PRIM2: variants seen among roughly 807,000 people sequenced by gnomAD.
PRIM2 encodes the protein DNA primase large subunit.
Under a neutral mutation model 67.3 loss-of-function variants are expected in PRIM2, and 39 were observed. The ratio of observed to expected loss-of-function variants is 0.58; its 90% CI spans 0.45 to 0.76. The LOEUF is 0.76. Ranked by LOEUF, PRIM2 falls within the 30% of genes least tolerant of loss-of-function variation. PRIM2 has a pLI of 0.00. For missense variants in PRIM2, 398 were observed against 598.7 expected (o/e 0.66, Z 3.50); for synonymous variants, 143 against 198.7 (o/e 0.72, Z 2.36).
intron 10 of PRIM2, among the ~76,000 whole-genome samples, chr6:57,542,606 A>G (rs1469415820): frequency 6.6e-6 from 1 of 152,106 alleles, no homozygotes; most frequent in East Asian, 1.9e-4. Flanking sequence ...AAGAAAATAA[A>G]TAATTTTTTA....
chr6:57,560,563 G>A (rs1372078962), intron 10 of PRIM2, among the ~76,000 whole-genome samples: 1 of 151,216 alleles, frequency 6.6e-6, no homozygotes. Flanking sequence ...CACAATCTAT[G>A]GCAATGATAT....
At chr6:57,568,387 C>T (rs1775790596) in intron 10 of PRIM2, among the ~76,000 whole-genome samples, 1 of 152,120 alleles carries the variant, frequency 6.6e-6, no homozygotes, top group Non-Finnish European at 1.5e-5. Context: ...GTCACTTAAT[C>T]TGAGGTAGGA....
chr6:57,545,085 G>T (rs1335484202), intron 10 of PRIM2, among the ~76,000 whole-genome samples: 2 of 152,058 alleles, frequency 1.3e-5, no homozygotes, highest in Admixed American at 1.3e-4. Context: ...AAGAGCAGTA[G>T]ATCTCAGCAT....
the PRIM2 span, among the ~76,000 whole-genome samples, chr6:57,256,022 CAT>C: frequency 5.7e-5 from 6 of 105,580 alleles, no homozygotes; most frequent in South Asian, 7.3e-4. Flanking sequence ...CACACACACA[CAT>C]ACACACACAC....
chr6:57,307,997 G>A, the PRIM2 span, among the ~76,000 whole-genome samples: 4,173 of 152,160 alleles, frequency 0.027, 62 homozygotes, highest in Middle Eastern at 0.044. Context: ...TGCTTTTTTA[G>A]TTAACATTAT....
At chr6:57,480,437 C>T (rs1167573553) in intron 7 of PRIM2, among the ~76,000 whole-genome samples, 10 of 152,066 alleles carry the variant, frequency 6.6e-5, no homozygotes, top group Admixed American at 3.3e-4. Flanking sequence ...AATGTTAGTA[C>T]ACAGAGCTAT....
intron 10 of PRIM2, among the ~76,000 whole-genome samples, chr6:57,539,654 GTGTATA>G (rs1334838988): frequency 0.088 from 4,886 of 55,696 alleles, 91 homozygotes; most frequent in African/African-American, 0.14. Context: ...GTGTGTGTGT[GTGTATA>G]TATATATATA....
intron 7 of PRIM2, among the ~76,000 whole-genome samples, chr6:57,446,856 C>T (rs1772384680): frequency 1.3e-5 from 2 of 152,110 alleles, no homozygotes; most frequent in Admixed American, 1.3e-4. Flanking sequence ...CAGGCTGCAC[C>T]TACTGTTCCA....
chr6:57,354,120 AT>A (rs1195865444), intron 5 of PRIM2, among the ~76,000 whole-genome samples: 3 of 152,170 alleles, frequency 2.0e-5, no homozygotes, highest in Non-Finnish European at 4.4e-5. Flanking sequence ...AAACTATATA[AT>A]TGAATGCCTA....
At chr6:57,305,521 G>A in the PRIM2 span, among the ~76,000 whole-genome samples, 1 of 152,222 alleles carries the variant, frequency 6.6e-6, no homozygotes, top group South Asian at 2.1e-4. Flanking sequence ...CAAACAGAGA[G>A]CAACTGATGT....
chr6:57,349,512 G>A (rs1427474958), intron 5 of PRIM2, among the ~76,000 whole-genome samples: 1 of 150,490 alleles, frequency 6.6e-6, no homozygotes, highest in Admixed American at 6.6e-5. Flanking sequence ...TTAAAAAATT[G>A]TGAATTTTAT....
chr6:57,554,044 C>G (rs1443082124), intron 10 of PRIM2, among the ~76,000 whole-genome samples: 3 of 152,166 alleles, frequency 2.0e-5, no homozygotes, highest in African/African-American at 7.2e-5. Context: ...TGATTATCTG[C>G]TACAGTTTTA....
chr6:57,542,066 C>G (rs1359724106), intron 10 of PRIM2, among the ~76,000 whole-genome samples: 1 of 151,164 alleles, frequency 6.6e-6, no homozygotes, highest in African/African-American at 2.4e-5. Context: ...ACCTCTGCCT[C>G]CCAGGGTTCA....
At chr6:57,585,494 G>T (rs1398345551) in intron 10 of PRIM2, among the ~76,000 whole-genome samples, 1 of 152,134 alleles carries the variant, frequency 6.6e-6, no homozygotes, top group Non-Finnish European at 1.5e-5. Flanking sequence ...GAAAAATTAC[G>T]GAGATGAAAG....
chr6:57,373,625 A>G (rs1432218576), intron 5 of PRIM2, among the ~76,000 whole-genome samples: 1 of 152,092 alleles, frequency 6.6e-6, no homozygotes, highest in Non-Finnish European at 1.5e-5. Context: ...ATTTTTGTAT[A>G]TGGTATAAGG....
chr6:57,276,041 G>A, the PRIM2 span, among the ~76,000 whole-genome samples: 1 of 152,120 alleles, frequency 6.6e-6, no homozygotes, highest in Non-Finnish European at 1.5e-5. Context: ...ACTGAACAAA[G>A]AAAGAAAATA....
chr6:57,449,638 G>A (rs1581915168), intron 7 of PRIM2, among the ~76,000 whole-genome samples: 1 of 151,976 alleles, frequency 6.6e-6, no homozygotes, highest in African/African-American at 2.4e-5. Context: ...TCATTTCACC[G>A]CTAGTAGCTT....
intron 7 of PRIM2, among the ~76,000 whole-genome samples, chr6:57,469,030 G>T (rs2127400864): frequency 6.6e-6 from 1 of 152,350 alleles, no homozygotes; most frequent in East Asian, 1.9e-4. Flanking sequence ...AGGGAGAAAT[G>T]GTTATGAAGA....
intron 10 of PRIM2, among the ~76,000 whole-genome samples, chr6:57,549,210 G>T (rs1487846464): frequency 1.3e-5 from 2 of 152,306 alleles, no homozygotes; most frequent in South Asian, 4.2e-4. Flanking sequence ...AGGTTTAGGG[G>T]TTAGCAAAGC....
Sources: gnomAD v4.1 joint callset for allele counts (sites outside exome capture counted in the v4.1 genomes callset) on GRCh38, gnomAD v4.1.1 for gene constraint, MANE v1.5 for transcripts, NCBI Gene and HGNC (gene_info 2026-07-23, HGNC 2026-07-21) for gene names.